The following SAMMSON variants were observed in gnomAD, a reference collection of about 807,000 sequenced individuals.
The protein encoded by SAMMSON is long intergenic non-protein coding RNA 1212.
intron 4 of SAMMSON, among the ~76,000 whole-genome samples, chr3:70,233,684 C>T (rs933858181): frequency 5.3e-5 from 8 of 152,152 alleles, no homozygotes; most frequent in Non-Finnish European, 8.8e-5. Context: ...AACCTGCGAC[C>T]CATTCTTCTT....
chr3:70,105,083 A>G (rs1451288060), intron 4 of SAMMSON, among the ~76,000 whole-genome samples: 1 of 152,120 alleles, frequency 6.6e-6, no homozygotes, highest in African/African-American at 2.4e-5. Context: ...TTACTCAGGG[A>G]GAGATTTTTT....
At position 70,385,276 on chromosome 3, in the gene SAMMSON, G is replaced by T. The variant is rs952961819; in HGVS notation, n.914-4298G>T. Among the ~76,000 whole-genome samples, 3 of 152,026 alleles carry T rather than the reference G, an allele frequency of 2.0e-5. No individual in the cohort carries two copies. In the South Asian group the frequency reaches 6.2e-4, roughly 31 times the overall value. ...AAAAATGTTCTTATGATAACTAACA[G>T]TAGGTCCACCATGTAAGAGGTACTC... On this transcript the variant is annotated intron_variant and non_coding_transcript_variant, in intron 9 of 9. Coordinates refer to ENST00000642114, the Ensembl canonical transcript of SAMMSON.
chr3:70,391,904 G>A (rs1701052171), downstream of SAMMSON, among the ~76,000 whole-genome samples: 1 of 152,046 alleles, frequency 6.6e-6, no homozygotes, highest in Admixed American at 6.6e-5. Context: ...ATAGATTCAT[G>A]CAACAATATT....
At chr3:70,223,391 C>A (rs1441524019) in intron 4 of SAMMSON, among the ~76,000 whole-genome samples, 2 of 152,134 alleles carry the variant, frequency 1.3e-5, no homozygotes, top group Non-Finnish European at 2.9e-5. Flanking sequence ...GAGTGCAGAG[C>A]ACTGATATAA....
chr3:70,200,360 C>A (rs1701225830), intron 4 of SAMMSON, among the ~76,000 whole-genome samples: 2 of 152,188 alleles, frequency 1.3e-5, no homozygotes, highest in Non-Finnish European at 2.9e-5. Context: ...GATTGGATTC[C>A]TGCCTATTTC....
At chr3:70,235,585 G>A (rs1701599327) in intron 4 of SAMMSON, among the ~76,000 whole-genome samples, 2 of 152,168 alleles carry the variant, frequency 1.3e-5, no homozygotes, top group South Asian at 4.1e-4. Context: ...TCACGGCTCT[G>A]TCCTTGTCTT....
At chr3:70,021,962 G>T (rs563152231) in intron 3 of SAMMSON, among the ~76,000 whole-genome samples, 1 of 152,072 alleles carries the variant, frequency 6.6e-6, no homozygotes, top group Non-Finnish European at 1.5e-5. Context: ...TTATCAAGGG[G>T]AAGAAAGACT....
chr3:70,224,287 A>G (rs1034414559), intron 4 of SAMMSON, among the ~76,000 whole-genome samples: 1 of 152,228 alleles, frequency 6.6e-6, no homozygotes, highest in Non-Finnish European at 1.5e-5. Context: ...CAGTCCTCCA[A>G]GCACACTGCA....
At chr3:70,168,080 G>T (rs910486847) in intron 4 of SAMMSON, among the ~76,000 whole-genome samples, 1 of 152,028 alleles carries the variant, frequency 6.6e-6, no homozygotes, top group East Asian at 1.9e-4. Flanking sequence ...TGAAAGACTC[G>T]CATATTCTGA....
chr3:70,057,396 T>C (rs1203249579), intron 3 of SAMMSON, among the ~76,000 whole-genome samples: 51 of 152,094 alleles, frequency 3.4e-4, no homozygotes, highest in Admixed American at 3.3e-3. Flanking sequence ...AATTTTGGAT[T>C]ATTCTCGTGG....
chr3:70,283,886 G>A (rs1276994328), intron 6 of SAMMSON: 1 of 151,984 alleles, frequency 6.6e-6, no homozygotes, highest in East Asian at 1.9e-4. Context: ...TGTGTAAAAT[G>A]TCAATAATCA....
chr3:70,193,486 A>G (rs1217541598), intron 4 of SAMMSON, among the ~76,000 whole-genome samples: 1 of 152,070 alleles, frequency 6.6e-6, no homozygotes, highest in Non-Finnish European at 1.5e-5. Context: ...TTTTGTAGAG[A>G]CAGGGGTCTC....
intron 4 of SAMMSON, among the ~76,000 whole-genome samples, chr3:70,163,221 T>G (rs1212817803): frequency 2.0e-5 from 3 of 151,382 alleles, no homozygotes; most frequent in Non-Finnish European, 4.4e-5. Flanking sequence ...TTTGTGTTCT[T>G]TGTGCCACCA....
At chr3:70,413,351 C>A (rs1473717823) in intron 2 of SAMMSON, among the ~76,000 whole-genome samples, 1 of 151,992 alleles carries the variant, frequency 6.6e-6, no homozygotes, top group Non-Finnish European at 1.5e-5. Flanking sequence ...GTGTTTAGTT[C>A]CACATAAAAA....
intron 3 of SAMMSON, among the ~76,000 whole-genome samples, chr3:70,061,798 C>T (rs1416528205): frequency 4.6e-5 from 7 of 152,132 alleles, no homozygotes; most frequent in Non-Finnish European, 7.4e-5. Flanking sequence ...TCTGGTTACC[C>T]TCTCAGGGTT....
rs182495341 is a variant in SAMMSON at position 70,148,605 on chromosome 3, G to A, written n.507+77040G>A. ...GCTTCCACTCATGGCAGAAGGTGAA[G>A]GGGAGCTGGTGTGTGCACAGATCAT... On this transcript the variant is annotated intron_variant and non_coding_transcript_variant, in intron 4 of 9. Transcript: ENST00000642114. 2.9e-3 allele frequency among the ~76,000 whole-genome samples: 444 copies of A among 152,226 alleles called. 2 individuals carry two copies. The highest frequency in any genetic ancestry group is 5.0e-3 in the Non-Finnish European group (338 of 68,006).
chr3:70,185,196 A>T (rs1000261477), intron 4 of SAMMSON, among the ~76,000 whole-genome samples: 13 of 152,184 alleles, frequency 8.5e-5, no homozygotes, highest in African/African-American at 2.7e-4. Context: ...CAGAACACGG[A>T]TCTACTCCCA....
intron 4 of SAMMSON, among the ~76,000 whole-genome samples, chr3:70,096,708 G>T (rs969489455): frequency 6.6e-6 from 1 of 152,176 alleles, no homozygotes; most frequent in African/African-American, 2.4e-5. Flanking sequence ...CCACTGGGGG[G>T]TCATCTTAGA....
chr3:70,046,386 C>T (rs1446861720), intron 3 of SAMMSON, among the ~76,000 whole-genome samples: 5 of 152,100 alleles, frequency 3.3e-5, no homozygotes, highest in Non-Finnish European at 1.5e-5. Flanking sequence ...TGAGGGAAAT[C>T]ATTTTAATCC....
Sources: allele counts gnomAD v4.1 joint callset (sites outside exome capture counted in the v4.1 genomes callset), GRCh38; gene constraint gnomAD v4.1.1; transcripts MANE v1.5; gene names NCBI Gene and HGNC (gene_info 2026-07-23, HGNC 2026-07-21).